TRAPPC9: variants seen among roughly 807,000 people sequenced by gnomAD.
TRAPPC9 encodes IKK2 binding protein.
In TRAPPC9, 83 loss-of-function variants were observed where a neutral mutation model predicts 124.0. The ratio of observed to expected loss-of-function variants is 0.67; its 90% CI spans 0.56 to 0.80. TRAPPC9 has a LOEUF of 0.80. Ranked by LOEUF, TRAPPC9 falls within the 30% of genes least tolerant of loss-of-function variation. TRAPPC9 has a pLI of 0.00. For missense variants in TRAPPC9, 1,302 were observed against 1,508.3 expected (o/e 0.86, Z 2.27); for synonymous variants, 638 against 617.5 (o/e 1.03, Z -0.49).
At chr8:140,056,411 A>C (rs1842289846) in intron 17 of TRAPPC9, among the ~76,000 whole-genome samples, 1 of 144,950 alleles carries the variant, frequency 6.9e-6, no homozygotes, top group Admixed American at 6.9e-5. Flanking sequence ...TCCTGTCTCT[A>C]AAAAAAAAAC....
chr8:140,161,405 A>T (rs575892594), intron 17 of TRAPPC9, among the ~76,000 whole-genome samples: 4 of 103,990 alleles, frequency 3.8e-5, no homozygotes, highest in African/African-American at 1.5e-4. Context: ...AGGACCAGAA[A>T]CATCTCCAAT....
intron 17 of TRAPPC9, among the ~76,000 whole-genome samples, chr8:140,214,393 C>T (rs1458909688): frequency 6.6e-6 from 1 of 152,206 alleles, no homozygotes; most frequent in Non-Finnish European, 1.5e-5. Flanking sequence ...TCTACCTGTT[C>T]CAGAGGCCCT....
upstream of TRAPPC9, chr8:140,457,877 A>T: frequency 4.4e-6 from 3 of 681,804 alleles, no homozygotes; most frequent in Non-Finnish European, 5.9e-6. Flanking sequence ...AGGAGGAGCG[A>T]GGGAGAGAAG....
At chr8:140,176,800 T>C (rs1170834363) in intron 17 of TRAPPC9, among the ~76,000 whole-genome samples, 2 of 152,224 alleles carry the variant, frequency 1.3e-5, no homozygotes, top group Non-Finnish European at 2.9e-5. Flanking sequence ...CCAGTTACTC[T>C]GTAGCCTCAC....
At chr8:139,929,696 T>C (rs936818374) in intron 19 of TRAPPC9, among the ~76,000 whole-genome samples, 14 of 152,378 alleles carry the variant, frequency 9.2e-5, no homozygotes, top group African/African-American at 3.4e-4. Context: ...TATGCCCTGC[T>C]GCTTCAGGAA....
At chr8:139,843,097 T>C (rs899014101) in intron 21 of TRAPPC9, among the ~76,000 whole-genome samples, 1 of 152,198 alleles carries the variant, frequency 6.6e-6, no homozygotes, top group Non-Finnish European at 1.5e-5. Context: ...TTATACCTTA[T>C]GTGCAATACC....
chr8:140,453,320 T>C (rs973847023), intron 1 of TRAPPC9, among the ~76,000 whole-genome samples: 7 of 152,174 alleles, frequency 4.6e-5, no homozygotes, highest in African/African-American at 1.4e-4. Context: ...AATTTTGTTT[T>C]CTTTTTCTTA....
At chr8:140,289,174 A>AGTGTGTGT (rs71320349) in intron 12 of TRAPPC9, among the ~76,000 whole-genome samples, 38 of 148,428 alleles carry the variant, frequency 2.6e-4, no homozygotes, top group East Asian at 8.0e-4. Context: ...ATATATATAT[A>AGTGTGTGT]GTGTGTGTGT....
At chr8:139,781,273 T>C (rs747816181) in intron 21 of TRAPPC9, among the ~76,000 whole-genome samples, 40 of 152,204 alleles carry the variant, frequency 2.6e-4, no homozygotes, top group Non-Finnish European at 5.6e-4. Flanking sequence ...CAACCTTCAG[T>C]AGGTGAATGG....
chr8:140,270,824 A>G (rs560954011), intron 15 of TRAPPC9, among the ~76,000 whole-genome samples: 10 of 152,356 alleles, frequency 6.6e-5, no homozygotes, highest in African/African-American at 2.4e-4. Flanking sequence ...ATGCGACTCC[A>G]GCTGAAGAGG....
chr8:140,315,331 A>G (rs2066415873), intron 9 of TRAPPC9, among the ~76,000 whole-genome samples: 1 of 150,218 alleles, frequency 6.7e-6, no homozygotes, highest in African/African-American at 2.5e-5. Context: ...CATTATTGTC[A>G]AAGACACACT....
chr8:140,372,285 C>G (rs2068304600), intron 7 of TRAPPC9, among the ~76,000 whole-genome samples: 1 of 152,212 alleles, frequency 6.6e-6, no homozygotes, highest in African/African-American at 2.4e-5. Context: ...CTCCTCTGCC[C>G]TGGACGATGA....
At chr8:140,244,786 G>A (rs1367242211) in intron 16 of TRAPPC9, among the ~76,000 whole-genome samples, 1 of 147,722 alleles carries the variant, frequency 6.8e-6, no homozygotes, top group African/African-American at 2.5e-5. Context: ...TTATTACTAA[G>A]GTGTTTCCAA....
intron 16 of TRAPPC9, among the ~76,000 whole-genome samples, chr8:140,224,911 G>A (rs1477109003): frequency 6.6e-6 from 1 of 152,198 alleles, no homozygotes; most frequent in Non-Finnish European, 1.5e-5. Flanking sequence ...CCCGGTAGGA[G>A]ATCAGAGGGG....
chr8:140,268,799 G>A (rs2064777551), intron 15 of TRAPPC9, among the ~76,000 whole-genome samples: 1 of 152,174 alleles, frequency 6.6e-6, no homozygotes, highest in Admixed American at 6.5e-5. Flanking sequence ...GGCAAGGCAT[G>A]ACGGGTGACT....
intron 19 of TRAPPC9, among the ~76,000 whole-genome samples, chr8:139,959,109 G>A (rs953275089): frequency 5.9e-5 from 9 of 152,128 alleles, no homozygotes; most frequent in South Asian, 2.1e-4. Flanking sequence ...CCTGCATTCC[G>A]AGTCACACAG....
chr8:139,963,190 T>C (rs1002190722), intron 19 of TRAPPC9, among the ~76,000 whole-genome samples: 14 of 152,172 alleles, frequency 9.2e-5, no homozygotes, highest in African/African-American at 2.9e-4. Context: ...ATACAATACA[T>C]AGAAATCGGT....
intron 5 of TRAPPC9, among the ~76,000 whole-genome samples, chr8:140,416,072 T>C (rs1290038126): frequency 6.6e-6 from 1 of 151,640 alleles, no homozygotes. Context: ...CAGAAATAAA[T>C]GAAAGGGGGA....
chr8:140,181,405 T>C (rs1250047992), intron 17 of TRAPPC9, among the ~76,000 whole-genome samples: 1 of 152,184 alleles, frequency 6.6e-6, no homozygotes, highest in African/African-American at 2.4e-5. Context: ...GGATTACAGA[T>C]ACCTGACAAG....
Sources: allele counts gnomAD v4.1 joint callset (sites outside exome capture counted in the v4.1 genomes callset), GRCh38; gene constraint gnomAD v4.1.1; transcripts MANE v1.5; gene names NCBI Gene and HGNC (gene_info 2026-07-23, HGNC 2026-07-21).